DPYD: variants seen among roughly 807,000 people sequenced by gnomAD.
DPYD encodes dihydropyrimidine dehydrogenase [NADP(+)].
Under a neutral mutation model 116.2 loss-of-function variants are expected in DPYD, and 109 were observed. The observed-to-expected ratio is 0.94, with a 90% CI of 0.80 to 1.10. DPYD has a LOEUF of 1.10. Among genes scored for constraint, DPYD ranks in the 50% least tolerant of loss-of-function variants. DPYD has a pLI of 0.00. For missense variants in DPYD, 1,302 were observed against 1,254.5 expected (o/e 1.04, Z -0.57); for synonymous variants, 440 against 432.0 (o/e 1.02, Z -0.23).
chr1:97,102,612 T>A (rs1277184062), intron 20 of DPYD, among the ~76,000 whole-genome samples: 1 of 151,528 alleles, frequency 6.6e-6, no homozygotes, highest in East Asian at 1.9e-4. Context: ...AAAGACATGT[T>A]TGCATATGAC....
intron 3 of DPYD, among the ~76,000 whole-genome samples, chr1:97,801,182 G>C (rs1289765181): frequency 1.7e-4 from 8 of 46,012 alleles, no homozygotes; most frequent in African/African-American, 1.1e-4. Context: ...AGGACAGAAA[G>C]CTAGTTAATC....
At chr1:97,235,032 A>G in intron 18 of DPYD, 38 bp from the exon 19 acceptor site, 5 of 1,613,388 alleles carry the variant, frequency 3.1e-6, no homozygotes, top group Non-Finnish European at 4.2e-6. Context: ...TAGCACACTG[A>G]CCACTTGAGT....
At chr1:97,557,112 A>G (rs1343580557) in intron 11 of DPYD, among the ~76,000 whole-genome samples, 64 of 151,756 alleles carry the variant, frequency 4.2e-4, no homozygotes, top group African/African-American at 1.3e-3. Context: ...GCCAGTGATG[A>G]TGAGCATTTT....
chr1:97,347,537 T>C (rs1669920350), intron 16 of DPYD, among the ~76,000 whole-genome samples: 1 of 152,082 alleles, frequency 6.6e-6, no homozygotes, highest in South Asian at 2.1e-4. Context: ...TTCTGCATGT[T>C]AACATTTTGT....
intron 19 of DPYD, among the ~76,000 whole-genome samples, chr1:97,212,932 C>T (rs1660135170): frequency 6.6e-6 from 1 of 152,084 alleles, no homozygotes; most frequent in African/African-American, 2.4e-5. Context: ...AACAAAAATG[C>T]CATAGACTGG....
chr1:97,770,169 A>T (rs1031177229), intron 3 of DPYD, among the ~76,000 whole-genome samples: 1 of 152,354 alleles, frequency 6.6e-6, no homozygotes, highest in South Asian at 2.1e-4. Flanking sequence ...TGAAGCTCGC[A>T]TGTCCTAGTT....
At chr1:97,917,684 G>T (rs969776299) in intron 1 of DPYD, among the ~76,000 whole-genome samples, 2 of 152,158 alleles carry the variant, frequency 1.3e-5, no homozygotes, top group Admixed American at 1.3e-4. Context: ...CCTTGTGATT[G>T]TGACTGTGGT....
chr1:97,381,875 C>T (rs1367419042), intron 15 of DPYD, among the ~76,000 whole-genome samples: 1 of 152,184 alleles, frequency 6.6e-6, no homozygotes, highest in Non-Finnish European at 1.5e-5. Context: ...TTATGGAAAA[C>T]CTGCTGACTA....
intron 12 of DPYD, among the ~76,000 whole-genome samples, chr1:97,545,252 A>C (rs1015841893): frequency 3.9e-5 from 6 of 152,174 alleles, no homozygotes; most frequent in Non-Finnish European, 8.8e-5. Context: ...CGTATCTCTT[A>C]TTCTGAGACT....
At chr1:97,305,484 G>A (rs2101037847) in intron 17 of DPYD, 106 bp from the exon 18 acceptor site, 2 of 1,459,870 alleles carry the variant, frequency 1.4e-6, no homozygotes, top group East Asian at 4.6e-5. Context: ...TTTATCTTGA[G>A]AACATGTCTT....
At chr1:97,715,194 T>C (rs1041563198) in intron 5 of DPYD, among the ~76,000 whole-genome samples, 1 of 152,072 alleles carries the variant, frequency 6.6e-6, no homozygotes, top group Non-Finnish European at 1.5e-5. Context: ...CCCTCAAGCG[T>C]TGTTTATCAG....
chr1:97,257,574 T>C (rs1378243938), intron 18 of DPYD, among the ~76,000 whole-genome samples: 2 of 151,692 alleles, frequency 1.3e-5, no homozygotes, highest in Admixed American at 1.3e-4. Flanking sequence ...TATTTGTGTA[T>C]GTATATGTGT....
At chr1:97,385,210 G>A (rs780012031) in intron 14 of DPYD, among the ~76,000 whole-genome samples, 10 of 132,554 alleles carry the variant, frequency 7.5e-5, no homozygotes, top group Non-Finnish European at 7.7e-5. Context: ...AAAGATCAGG[G>A]AGAACTATCA....
chr1:97,654,485 G>T (rs1658784276), intron 8 of DPYD, among the ~76,000 whole-genome samples: 1 of 152,012 alleles, frequency 6.6e-6, no homozygotes, highest in Non-Finnish European at 1.5e-5. Context: ...ATTCATAAAA[G>T]TTCAGGGAGT....
intron 3 of DPYD, among the ~76,000 whole-genome samples, chr1:97,793,680 T>G (rs1667427923): frequency 6.6e-6 from 1 of 151,884 alleles, no homozygotes; most frequent in Admixed American, 6.6e-5. Flanking sequence ...GAAAAAAAAC[T>G]TTGACCATAA....
chr1:97,896,003 A>G (rs9324375), intron 1 of DPYD, among the ~76,000 whole-genome samples: 151,675 of 151,732 alleles, frequency 1, 75,809 homozygotes, highest in Non-Finnish European at 1. Context: ...AAAATATAAC[A>G]CCCAATCTTA....
chr1:97,314,876 C>T (rs1395351921), intron 16 of DPYD, among the ~76,000 whole-genome samples: 1 of 151,942 alleles, frequency 6.6e-6, no homozygotes, highest in Non-Finnish European at 1.5e-5. Flanking sequence ...GTTTCATGTG[C>T]TATTCTAGAC....
At chr1:97,545,256 T>C (rs972228444) in intron 12 of DPYD, among the ~76,000 whole-genome samples, 1 of 152,228 alleles carries the variant, frequency 6.6e-6, no homozygotes, top group Non-Finnish European at 1.5e-5. Flanking sequence ...TCTCTTATTC[T>C]GAGACTCTAG....
chr1:97,385,578 C>T (rs532307542), intron 14 of DPYD, among the ~76,000 whole-genome samples: 10 of 151,522 alleles, frequency 6.6e-5, no homozygotes, highest in Admixed American at 3.3e-4. Flanking sequence ...AAAACCCCCA[C>T]CTCCTAACAT....
Sources: gnomAD v4.1 joint callset for allele counts (sites outside exome capture counted in the v4.1 genomes callset) on GRCh38, gnomAD v4.1.1 for gene constraint, MANE v1.5 for transcripts, NCBI Gene and HGNC (gene_info 2026-07-23, HGNC 2026-07-21) for gene names.